The following PIN4 variants were observed in gnomAD, a reference collection of about 807,000 sequenced individuals.
The protein encoded by PIN4 is peptidyl-prolyl cis-trans isomerase NIMA-interacting 4.
A neutral mutation model predicts 8.3 loss-of-function variants in PIN4; 3 were observed. The observed-to-expected ratio is 0.36, with a 90% CI of 0.16 to 0.93. The LOEUF (loss-of-function observed/expected upper bound fraction) is 0.93, where lower values mean the gene tolerates loss of function less well. Among genes scored for constraint, PIN4 ranks in the 40% least tolerant of loss-of-function variants. The probability of loss-of-function intolerance (pLI) is 0.44; values close to 1 mark genes in which losing one functional copy is unlikely to be tolerated. For synonymous variants in PIN4, 18 were observed against 32.5 expected (o/e 0.55, Z 1.52); for missense variants, 75 against 100.6 (o/e 0.75, Z 1.09).
chrX:72,259,724 CT>C (rs761255706), intron 3 of PIN4, among the ~76,000 whole-genome samples: 904 of 69,045 alleles, frequency 0.013, 8 homozygotes, highest in Admixed American at 0.049. Flanking sequence ...AGGCCATATC[CT>C]TTTTTTTTTT....
chrX:72,197,996 A>G lies in PIN4; in HGVS notation c.*470A>G. ...ACTCTGATCTTCCAGGACAGGTGGT[A>G]TTAGCTCCACTGTCTTAACATAGTA... On this transcript the variant is annotated 3_prime_UTR_variant, in exon 4 of 4. Coordinates refer to ENST00000373669, the MANE Select transcript of PIN4 (RefSeq NM_006223.4). 1.3e-6 allele frequency: 1 copy of G among 752,317 alleles called. No homozygotes were observed. Among genetic ancestry groups the G allele is most frequent in the Non-Finnish European group, 1.6e-6 (1 of 635,583 alleles). 62.0% of individuals were successfully genotyped at this position (752,317 alleles called of 1,213,427 possible).
rs1351496531 is a variant in PIN4, at chrX:72,253,611, C to A, written c.313-9096C>A. Among the ~76,000 whole-genome samples, 7 of 108,069 alleles carry A rather than the reference C, an allele frequency of 6.5e-5. No individual in the cohort carries two copies. The Admixed American group carries it at 6.9e-4, about 11-fold the overall frequency. 93.8% of individuals were successfully genotyped at this position (108,069 alleles called of 115,157 possible). ...CTGCACTCCAGCCTGGGCGACAGAG[C>A]AACACTCCATCTCAAAAAAAGAAAA... On this transcript the variant is annotated intron_variant, in intron 3 of 3. Transcript: ENST00000423432.
At chrX:72,196,705 G>A in intron 2 of PIN4, 80 bp from the exon 3 acceptor site, 1 of 846,294 alleles carries the variant, frequency 1.2e-6, no homozygotes, top group Admixed American at 3.0e-5. Context: ...AACTGGTGGG[G>A]GTAATCCAAA....
At chrX:72,186,185 T>C (rs1466773321) in intron 1 of PIN4, 2 of 355,224 alleles carry the variant, frequency 5.6e-6, no homozygotes, top group Admixed American at 7.9e-5. Context: ...ATTTGCAAAC[T>C]TTCTTAAAAC....
chrX:72,233,659 T>G (rs2147605060), intron 3 of PIN4, among the ~76,000 whole-genome samples: 1 of 104,713 alleles, frequency 9.5e-6, no homozygotes, highest in African/African-American at 3.6e-5. Flanking sequence ...GAGGCGAAGT[T>G]TACAGTGAGC....
intron 2 of PIN4, among the ~76,000 whole-genome samples, chrX:72,194,273 G>A (rs1201757009): frequency 1.8e-5 from 2 of 111,320 alleles, no homozygotes; most frequent in African/African-American, 3.3e-5. Context: ...GGTGGCTCAT[G>A]TCTGTAATCC....
At chrX:72,209,917 T>C (rs916591240) in intron 3 of PIN4, among the ~76,000 whole-genome samples, 24 of 111,036 alleles carry the variant, frequency 2.2e-4, no homozygotes, top group African/African-American at 7.2e-4. Flanking sequence ...ACTCATACCA[T>C]ACACAAAAAT....
At chrX:72,192,749 A>G (rs1052199750) in intron 2 of PIN4, among the ~76,000 whole-genome samples, 3 of 109,910 alleles carry the variant, frequency 2.7e-5, no homozygotes, top group Non-Finnish European at 5.7e-5. Flanking sequence ...GTGCACCACC[A>G]TGCCCGGCTA....
chrX:72,217,599 G>A (rs1332458556), intron 3 of PIN4, among the ~76,000 whole-genome samples: 5 of 111,222 alleles, frequency 4.5e-5, no homozygotes, highest in African/African-American at 1.6e-4. Flanking sequence ...TGCATATATT[G>A]TGAAATATAC....
At chrX:72,212,193 C>T (rs1012655679) in intron 3 of PIN4, among the ~76,000 whole-genome samples, 22 of 110,636 alleles carry the variant, frequency 2.0e-4, no homozygotes, top group Admixed American at 9.6e-4. Context: ...ATGAGAATCA[C>T]GTGAAAGGCG....
chrX:72,191,396 C>A (rs1015041665), intron 2 of PIN4, among the ~76,000 whole-genome samples: 4 of 110,449 alleles, frequency 3.6e-5, no homozygotes, highest in Non-Finnish European at 3.8e-5. Context: ...ACTGAAAATA[C>A]AAAAATTAGT....
intron 3 of PIN4, among the ~76,000 whole-genome samples, chrX:72,260,406 A>C (rs774836017): frequency 1.8e-5 from 2 of 112,612 alleles, no homozygotes; most frequent in African/African-American, 6.4e-5. Context: ...GGCCCTTTGC[A>C]GACCCTTTCA....
chrX:72,226,039 A>G (rs994063786), intron 3 of PIN4, among the ~76,000 whole-genome samples: 11 of 111,729 alleles, frequency 9.8e-5, no homozygotes, highest in Non-Finnish European at 1.7e-4. Flanking sequence ...ATACTCAGCC[A>G]TAAGGCGCTA....
intron 3 of PIN4, among the ~76,000 whole-genome samples, chrX:72,250,921 G>A (rs971495680): frequency 9.3e-6 from 1 of 107,365 alleles, no homozygotes; most frequent in African/African-American, 3.4e-5. Context: ...TGTATTTTTA[G>A]TAGATATGGG....
At chrX:72,191,415 G>A (rs1374537579) in intron 2 of PIN4, among the ~76,000 whole-genome samples, 1 of 110,922 alleles carries the variant, frequency 9.0e-6, no homozygotes, top group African/African-American at 3.3e-5. Context: ...GTTGGGCATG[G>A]TGGCATGCGC....
intron 3 of PIN4, among the ~76,000 whole-genome samples, chrX:72,231,854 T>C (rs7882843): frequency 0.45 from 50,286 of 110,984 alleles, 10,398 homozygotes; most frequent in East Asian, 0.98. Context: ...TTTGATCATT[T>C]CACAATGTAT....
chrX:72,255,972 C>A (rs2043108820), intron 3 of PIN4: 1 of 112,101 alleles, frequency 8.9e-6, no homozygotes. Context: ...TACTGGGCAC[C>A]TTTGGAGGTG....
chrX:72,247,984 T>C (rs975000806), intron 3 of PIN4, among the ~76,000 whole-genome samples: 1 of 111,444 alleles, frequency 9.0e-6, no homozygotes, highest in Non-Finnish European at 1.9e-5. Context: ...GTTCCACTGA[T>C]CTTAGAACCA....
chrX:72,220,010 C>G (rs192729686), intron 3 of PIN4, among the ~76,000 whole-genome samples: 47 of 110,997 alleles, frequency 4.2e-4, no homozygotes, highest in African/African-American at 9.8e-4. Flanking sequence ...TTGTAGATAC[C>G]CTTGATCAGG....
Sources: allele counts gnomAD v4.1 joint callset (sites outside exome capture counted in the v4.1 genomes callset), GRCh38; gene constraint gnomAD v4.1.1; transcripts MANE v1.5; gene names NCBI Gene and HGNC (gene_info 2026-07-23, HGNC 2026-07-21).